GRIA1: variants seen among roughly 807,000 people sequenced by gnomAD.
GRIA1 encodes the protein glutamate ionotropic receptor AMPA type subunit 1.
GRIA1 carries 31 observed loss-of-function variants against 99.2 expected under a neutral mutation model. The ratio of observed to expected loss-of-function variants is 0.31; its 90% CI spans 0.23 to 0.42. The LOEUF (loss-of-function observed/expected upper bound fraction) is 0.42. GRIA1 is among the 10% of genes least tolerant of loss of function. The pLI, the probability that GRIA1 is intolerant of heterozygous loss-of-function variation, is 1.00. For synonymous variants in GRIA1, 438 were observed against 432.4 expected (o/e 1.01, Z -0.16); for missense variants, 782 against 1,157.5 (o/e 0.68, Z 4.71).
intron 15 of GRIA1, among the ~76,000 whole-genome samples, chr5:153,810,527 A>G (rs951558613): frequency 6.6e-6 from 1 of 152,250 alleles, no homozygotes; most frequent in Non-Finnish European, 1.5e-5. Flanking sequence ...CATTCTTGCT[A>G]TAATAACAGT....
At chr5:153,686,162 A>G in intron 7 of GRIA1, 63 bp from the exon 8 acceptor site, 1 of 1,225,062 alleles carries the variant, frequency 8.2e-7, no homozygotes, top group Non-Finnish European at 1.2e-6. Context: ...ACTTCAGTGG[A>G]AAAAGCAAAC....
chr5:153,517,952 C>T (rs889318918), intron 2 of GRIA1, among the ~76,000 whole-genome samples: 2 of 152,184 alleles, frequency 1.3e-5, no homozygotes, highest in Non-Finnish European at 2.9e-5. Context: ...TACCTCTTGC[C>T]CCTCTCTCAT....
At chr5:153,607,065 A>ATATATATATG (rs1349350277) in intron 2 of GRIA1, among the ~76,000 whole-genome samples, 3 of 147,400 alleles carry the variant, frequency 2.0e-5, no homozygotes, top group African/African-American at 7.4e-5. Flanking sequence ...ATATATATAT[A>ATATATATATG]TATAATCACA....
intron 2 of GRIA1, among the ~76,000 whole-genome samples, chr5:153,534,520 A>G (rs1441429186): frequency 6.6e-6 from 1 of 152,246 alleles, no homozygotes; most frequent in East Asian, 1.9e-4. Context: ...GTTTCATTTC[A>G]TAAACCCCTC....
intron 2 of GRIA1, among the ~76,000 whole-genome samples, chr5:153,560,728 T>A (rs1761046478): frequency 6.6e-6 from 1 of 152,208 alleles, no homozygotes; most frequent in South Asian, 2.1e-4. Flanking sequence ...ATTAGCAGCA[T>A]GACAACAGAC....
intron 2 of GRIA1, among the ~76,000 whole-genome samples, chr5:153,576,820 G>T (rs1414119229): frequency 4.6e-5 from 7 of 152,196 alleles, no homozygotes; most frequent in African/African-American, 1.7e-4. Context: ...GGCCCTCTCA[G>T]TGAGCTGATG....
chr5:153,552,597 AT>A (rs978153456), intron 2 of GRIA1, among the ~76,000 whole-genome samples: 71 of 148,382 alleles, frequency 4.8e-4, no homozygotes, highest in South Asian at 8.5e-4. Flanking sequence ...AGCTGTCAGG[AT>A]TTTTTTTTTT....
chr5:153,791,620 T>A (rs1765311081), intron 13 of GRIA1, among the ~76,000 whole-genome samples: 1 of 152,228 alleles, frequency 6.6e-6, no homozygotes, highest in African/African-American at 2.4e-5. Context: ...TAAGTATTTA[T>A]CTGTAAAATA....
At chr5:153,507,169 G>A (rs1453955668) in intron 2 of GRIA1, among the ~76,000 whole-genome samples, 1 of 152,094 alleles carries the variant, frequency 6.6e-6, no homozygotes, top group African/African-American at 2.4e-5. Context: ...CTATGTTGAT[G>A]TAATGAACCA....
intron 2 of GRIA1, among the ~76,000 whole-genome samples, chr5:153,533,734 G>A (rs1433262508): frequency 6.6e-6 from 1 of 152,170 alleles, no homozygotes; most frequent in Non-Finnish European, 1.5e-5. Context: ...AAGGGTGTGG[G>A]GGAGAAGGCA....
At chr5:153,628,871 G>A (rs1370202820) in intron 2 of GRIA1, among the ~76,000 whole-genome samples, 2 of 152,202 alleles carry the variant, frequency 1.3e-5, no homozygotes, top group Admixed American at 6.5e-5. Flanking sequence ...CAGAAGGACA[G>A]TTACCATAGT....
intron 8 of GRIA1, among the ~76,000 whole-genome samples, chr5:153,687,025 T>C (rs1001944181): frequency 6.7e-6 from 1 of 150,114 alleles, no homozygotes; most frequent in African/African-American, 2.5e-5. Flanking sequence ...TTCCTCTGCC[T>C]GGGACTTCCT....
chr5:153,705,957 G>A lies in GRIA1; in HGVS notation c.1713G>A (p.Glu571=). 3 of 1,614,018 alleles carry A rather than the reference G, an allele frequency of 1.9e-6. No individual in the cohort carries two copies. Among genetic ancestry groups the A allele is most frequent in the Non-Finnish European group, 2.5e-6 (3 of 1,179,984 alleles). Residue 571 remains glutamate, a synonymous_variant, in exon 11 of 16, where the codon GAG becomes GAA. Transcript: ENST00000285900. ...ATGAATGGCACAGTGAAGAGTTTGAGGAAGGACGGGACCAGACAACCAGTG... is the reference window on the plus strand; with the variant it reads ...ATGAATGGCACAGTGAAGAGTTTGAAGAAGGACGGGACCAGACAACCAGTG... ...SPYEWHSEEF[E]EGRDQTTSDQ... is the part of the protein sequence containing the mutation.
chr5:153,564,734 C>G (rs1190870420), intron 2 of GRIA1, among the ~76,000 whole-genome samples: 2 of 152,186 alleles, frequency 1.3e-5, no homozygotes, highest in East Asian at 3.9e-4. Context: ...AGATGAATGG[C>G]CAGGATGAAG....
Position 153,677,105 on chromosome 5 carries a change from G to T in GRIA1, c.973G>T (p.Ala325Ser). ...SRRGNAGDCL[A>S]NPAVPWGQGI... is the part of the protein sequence containing the mutation. ...CCGGGGGAATGCTGGGGATTGTCTG[G>T]CTAACCCAGCTGTTCCCTGGGGCCA... is the stretch of plus-strand genomic sequence containing the variant. The change falls in exon 7 of 16, where the codon GCT becomes TCT. Residue 325 changes from alanine (A) to serine (S), a missense_variant. Physicochemically the swap from Ala to Ser is moderately conservative, Grantham distance 99. Around this residue, in one of 5 missense-constraint regions of GRIA1, gnomAD observed 461 missense variants for 521.7 expected, o/e 0.88. Coordinates refer to ENST00000285900, the MANE Select transcript of GRIA1 (RefSeq NM_000827.4). The T allele has an allele frequency of 6.3e-7, 1 of 1,580,108 alleles. No homozygotes were observed. Among genetic ancestry groups the T allele is most frequent in the Non-Finnish European group, 8.6e-7 (1 of 1,160,082 alleles).
At chr5:153,717,143 T>G (rs1759722359) in intron 11 of GRIA1, among the ~76,000 whole-genome samples, 1 of 152,160 alleles carries the variant, frequency 6.6e-6, no homozygotes, top group Non-Finnish European at 1.5e-5. Context: ...TGCCACATGC[T>G]GCCTCCCTGG....
chr5:153,529,101 T>C (rs182514789), intron 2 of GRIA1, among the ~76,000 whole-genome samples: 1 of 152,230 alleles, frequency 6.6e-6, no homozygotes. Context: ...TATTTTATGT[T>C]AATAAGAGCT....
Position 153,494,046 on chromosome 5 carries a change from C to T in GRIA1, c.201C>T (p.Ser67=), listed in dbSNP as rs1561582982. 6.2e-7 allele frequency: 1 copy of T among 1,613,990 alleles called. No homozygotes were observed. Among genetic ancestry groups the T allele is most frequent in the Non-Finnish European group, 8.5e-7 (1 of 1,179,908 alleles). The change falls in exon 2 of 16, where the codon AGC becomes AGT. Residue 67 remains serine, a synonymous_variant. Transcript: ENST00000285900. ...TTGATATTGTGAACATCAGCGACAG[C>T]TTTGAGATGACCTATAGATGTAAGT... is the stretch of plus-strand genomic sequence containing the variant. ...PQIDIVNISD[S]FEMTYRFCSQ... is the part of the protein sequence containing the mutation.
chr5:153,794,340 G>C (rs1365854000), intron 13 of GRIA1, among the ~76,000 whole-genome samples: 5 of 152,200 alleles, frequency 3.3e-5, no homozygotes, highest in East Asian at 1.9e-4. Flanking sequence ...TATAAAAGCA[G>C]ACAGGAGGGG....
Sources: allele counts gnomAD v4.1 joint callset (sites outside exome capture counted in the v4.1 genomes callset), GRCh38; gene constraint gnomAD v4.1.1; regional missense constraint gnomAD v4.1.1; transcripts MANE v1.5; gene names NCBI Gene and HGNC (gene_info 2026-07-23, HGNC 2026-07-21).